Variants in SLIT3 observed in about 807,000 individuals in gnomAD.
SLIT3 encodes slit homolog 3 protein.
In SLIT3, 68 loss-of-function variants were observed where a neutral mutation model predicts 184.0. The observed-to-expected ratio is 0.37, with a 90% confidence interval of 0.30 to 0.45. The LOEUF (loss-of-function observed/expected upper bound fraction) is 0.45. Among genes scored for constraint, SLIT3 ranks in the 20% least tolerant of loss-of-function variants. The pLI, the probability that SLIT3 is intolerant of heterozygous loss-of-function variation, is 1.00. For missense variants in SLIT3, 1,707 were observed against 2,026.0 expected (o/e 0.84, Z 3.02); for synonymous variants, 831 against 828.6 (o/e 1.00, Z -0.05).
chr5:169,092,320 G>C (rs1338982432), intron 4 of SLIT3, among the ~76,000 whole-genome samples: 2 of 152,206 alleles, frequency 1.3e-5, no homozygotes, highest in African/African-American at 2.4e-5. Flanking sequence ...TAGGGACCAA[G>C]GATGGTGAGT....
intron 29 of SLIT3, among the ~76,000 whole-genome samples, chr5:168,688,953 C>G (rs1761827254): frequency 6.6e-6 from 1 of 152,228 alleles, no homozygotes; most frequent in South Asian, 2.1e-4. Context: ...TTCAAGGCTA[C>G]TGGTGAGATC....
chr5:168,760,749 G>A, intron 16 of SLIT3, 113 bp downstream of exon 16: 1 of 757,362 alleles, frequency 1.3e-6, no homozygotes, highest in South Asian at 1.6e-5. Flanking sequence ...AGAAGGCTGG[G>A]AGGGAGTGGA....
At chr5:168,693,454 C>G (rs1761965195) in intron 28 of SLIT3, among the ~76,000 whole-genome samples, 1 of 152,234 alleles carries the variant, frequency 6.6e-6, no homozygotes, top group African/African-American at 2.4e-5. Flanking sequence ...ATGGCCCTTG[C>G]AGATAAGCCC....
Position 168,665,778 on chromosome 5 carries a change from G to C in SLIT3, c.*676C>G, listed in dbSNP as rs769895352. The C allele has an allele frequency of 6.6e-6, 1 of 152,298 alleles. No homozygotes were observed. The highest frequency in any genetic ancestry group is 6.6e-5 in the Admixed American group (1 of 15,260). The allele number at this position is 152,298 out of a possible 1,614,324, so 9.4% of individuals were successfully genotyped here. A position where few individuals can be genotyped will look rare whatever the true frequency, so the allele number is the denominator to read the frequency against. On this transcript the variant is annotated 3_prime_UTR_variant, in exon 36 of 36. Transcript: ENST00000519560. The stretch of plus-strand genomic sequence containing the variant: ...CCCCAGTGGGTTCAGATACCCTGAA[G>C]GGGGGTCTGGGACAGACAGGGACAG...
intron 23 of SLIT3, among the ~76,000 whole-genome samples, chr5:168,717,667 CT>C (rs753109811): frequency 9.2e-4 from 134 of 146,320 alleles, no homozygotes; most frequent in African/African-American, 2.7e-3. Flanking sequence ...TCTGTCTTTT[CT>C]TTTTTTTTTT....
At chr5:169,257,505 T>C (rs1384811220) in intron 1 of SLIT3, among the ~76,000 whole-genome samples, 1 of 147,282 alleles carries the variant, frequency 6.8e-6, no homozygotes, top group East Asian at 2.1e-4. Flanking sequence ...AAATAAAATA[T>C]CTTTGATACA....
intron 1 of SLIT3, among the ~76,000 whole-genome samples, chr5:169,256,418 G>T (rs1388474416): frequency 6.6e-6 from 1 of 152,212 alleles, no homozygotes; most frequent in Non-Finnish European, 1.5e-5. Flanking sequence ...GAAGCAATAG[G>T]CTATACCCAT....
intron 4 of SLIT3, among the ~76,000 whole-genome samples, chr5:169,035,465 C>T (rs1435443767): frequency 4.0e-5 from 6 of 151,868 alleles, no homozygotes; most frequent in East Asian, 1.9e-4. Flanking sequence ...CTGGCTCACA[C>T]GGTGAAACCA....
chr5:169,268,455 T>C (rs1469794637), intron 1 of SLIT3, among the ~76,000 whole-genome samples: 1 of 152,206 alleles, frequency 6.6e-6, no homozygotes, highest in Non-Finnish European at 1.5e-5. Context: ...TGGCCCTCAC[T>C]TGCAGGCGGA....
chr5:169,115,996 A>G (rs1760649111), intron 4 of SLIT3, among the ~76,000 whole-genome samples: 1 of 152,186 alleles, frequency 6.6e-6, no homozygotes, highest in African/African-American at 2.4e-5. Context: ...ATTAGATAAT[A>G]ACATAAACCA....
chr5:168,950,303 C>T (rs1182659067), intron 4 of SLIT3, among the ~76,000 whole-genome samples: 2 of 152,202 alleles, frequency 1.3e-5, no homozygotes, highest in Non-Finnish European at 2.9e-5. Context: ...TGATCTTACA[C>T]TTCTAACCTC....
rs543524678 is a variant in SLIT3, at chr5:168,883,304, G to T, written c.446C>A (p.Pro149Gln). 1 of 1,614,022 alleles carries T rather than the reference G, an allele frequency of 6.2e-7. No individual in the cohort carries two copies. Among genetic ancestry groups the T allele is most frequent in the South Asian group, 1.1e-5 (1 of 91,060 alleles). ...GGTGATGCCGCGGAACGCCTTCCTC[G>T]GGATCCCCTGGATCTGGTTTTCACT... Reference protein sequence around the residue: ...DLSENQIQGIPRKAFRGITDV... With the variant: ...DLSENQIQGIQRKAFRGITDV... The change falls in exon 5 of 36, where the codon CCG becomes CAG. Residue 149 changes from proline (P) to glutamine (Q), a missense_variant. Around this residue, in one of 3 missense-constraint regions of SLIT3, gnomAD observed 1,307 missense variants for 1,511.6 expected, o/e 0.86. Transcript: ENST00000519560.
intron 4 of SLIT3, among the ~76,000 whole-genome samples, chr5:169,090,623 A>G (rs1759542900): frequency 6.6e-6 from 1 of 152,204 alleles, no homozygotes; most frequent in Admixed American, 6.5e-5. Context: ...TATATGACAA[A>G]AGATGTGACT....
At chr5:169,280,420 A>G (rs908484173) in intron 1 of SLIT3, among the ~76,000 whole-genome samples, 3 of 152,146 alleles carry the variant, frequency 2.0e-5, no homozygotes, top group African/African-American at 4.8e-5. Context: ...AATTTCCTAA[A>G]GCAATCACAT....
At chr5:168,708,183 C>T in intron 25 of SLIT3, 83 bp from the exon 26 acceptor site, 1 of 1,592,838 alleles carries the variant, frequency 6.3e-7, no homozygotes, top group Non-Finnish European at 8.6e-7. Flanking sequence ...TCTGGGCCCT[C>T]CCTCAGCCAG....
chr5:168,808,732 G>C (rs913989470), intron 8 of SLIT3, among the ~76,000 whole-genome samples: 3 of 152,110 alleles, frequency 2.0e-5, no homozygotes, highest in African/African-American at 7.2e-5. Context: ...TACCTCCCCT[G>C]CTCCACCTCT....
At chr5:169,093,777 T>C (rs1435315505) in intron 4 of SLIT3, among the ~76,000 whole-genome samples, 2 of 152,194 alleles carry the variant, frequency 1.3e-5, no homozygotes, top group Non-Finnish European at 2.9e-5. Flanking sequence ...TAATACACAA[T>C]TGATCAAGTG....
chr5:168,812,854 T>A (rs1159924592), intron 8 of SLIT3, among the ~76,000 whole-genome samples: 1 of 152,004 alleles, frequency 6.6e-6, no homozygotes, highest in Admixed American at 6.6e-5. Flanking sequence ...TGGCTTACCT[T>A]AATTATCTTT....
chr5:168,753,867 G>A lies in SLIT3; in HGVS notation c.1826C>T (p.Thr609Ile). The A allele has an allele frequency of 1.2e-6, 2 of 1,610,554 alleles. No individual in the cohort carries two copies. The highest frequency in any genetic ancestry group is 1.7e-6 in the Non-Finnish European group (2 of 1,179,790). Residue 609 changes from threonine to isoleucine, a missense_variant, in exon 17 of 36, where the codon ACC (threonine) becomes ATC (isoleucine). Transcript: ENST00000519560. Reference sequence around the variant, plus strand: ...AGGCCCCACCCCAGGCACTCACAAGGTTTTGAGGCCACTGAGGCCACGGAA... The same window carrying A: ...AGGCCCCACCCCAGGCACTCACAAGATTTTGAGGCCACTGAGGCCACGGAA... ...RVFRGLSGLK[T>I]LMLRSNLIGC...
Sources: gnomAD v4.1 joint callset for allele counts (sites outside exome capture counted in the v4.1 genomes callset) on GRCh38, gnomAD v4.1.1 for gene constraint, gnomAD v4.1.1 regional missense constraint, MANE v1.5 for transcripts, NCBI Gene and HGNC (gene_info 2026-07-23, HGNC 2026-07-21) for gene names.